MAGI2: variants seen among roughly 807,000 people sequenced by gnomAD.
The protein encoded by MAGI2 is membrane associated guanylate kinase, WW and PDZ domain containing 2.
Under a neutral mutation model 133.3 loss-of-function variants are expected in MAGI2, and 35 were observed. That is an observed-to-expected ratio of 0.26 (90% confidence interval 0.20 to 0.35). MAGI2 has a LOEUF of 0.35. Ranked by LOEUF, MAGI2 falls within the 10% of genes least tolerant of loss-of-function variation. The probability of loss-of-function intolerance (pLI) is 1.00; values close to 1 mark genes in which losing one functional copy is unlikely to be tolerated. For missense variants in MAGI2, 1,636 were observed against 1,863.4 expected, an observed-to-expected ratio of 0.88 and a Z score of 2.25; for synonymous variants, 729 against 710.6, an observed-to-expected ratio of 1.03 and a Z score of -0.41.
chr7:78,808,809 G>A (rs1197481000), intron 2 of MAGI2, among the ~76,000 whole-genome samples: 2 of 152,132 alleles, frequency 1.3e-5, no homozygotes, highest in African/African-American at 4.8e-5. Flanking sequence ...CATCAGCAGA[G>A]GCAGCCCTGC....
chr7:79,440,567 A>T (rs1248726901), intron 1 of MAGI2, among the ~76,000 whole-genome samples: 2 of 151,886 alleles, frequency 1.3e-5, no homozygotes, highest in African/African-American at 4.8e-5. Context: ...CTCCAAGATT[A>T]CTCCTTATCT....
intron 9 of MAGI2, among the ~76,000 whole-genome samples, chr7:78,268,235 A>G (rs954323415): frequency 9.9e-5 from 15 of 152,144 alleles, no homozygotes; most frequent in South Asian, 4.2e-4. Context: ...TTATTGTACA[A>G]TGCAAAAATC....
At chr7:78,521,742 T>C in intron 3 of MAGI2, 97 bp from the exon 4 acceptor site, 1 of 975,894 alleles carries the variant, frequency 1.0e-6, no homozygotes, top group Non-Finnish European at 1.6e-6. Context: ...ATTTTTATCC[T>C]ATTTTATATG....
intron 6 of MAGI2, among the ~76,000 whole-genome samples, chr7:78,381,586 G>T (rs1236632340): frequency 6.6e-6 from 1 of 151,796 alleles, no homozygotes; most frequent in African/African-American, 2.4e-5. Context: ...CCTTAATAAA[G>T]AACTTTTTTA....
chr7:78,970,672 A>G (rs1240596508), intron 2 of MAGI2, among the ~76,000 whole-genome samples: 1 of 152,098 alleles, frequency 6.6e-6, no homozygotes, highest in African/African-American at 2.4e-5. Flanking sequence ...AGGTAACAAG[A>G]GCTAATTCAT....
At chr7:78,485,111 A>G (rs1468529749) in intron 6 of MAGI2, 2 of 152,022 alleles carry the variant, frequency 1.3e-5, no homozygotes, top group African/African-American at 4.8e-5. Flanking sequence ...ATATCTCAGG[A>G]GGATCCCATA....
intron 2 of MAGI2, among the ~76,000 whole-genome samples, chr7:78,751,666 G>A (rs193028518): frequency 6.6e-6 from 1 of 152,282 alleles, no homozygotes; most frequent in Non-Finnish European, 1.5e-5. Flanking sequence ...TTTGATAATG[G>A]TGAAGTAATT....
intron 1 of MAGI2, among the ~76,000 whole-genome samples, chr7:79,102,688 G>C (rs1014758999): frequency 2.6e-5 from 4 of 152,116 alleles, no homozygotes; most frequent in African/African-American, 9.7e-5. Context: ...TTTGTAAGTA[G>C]GGTGGAACAT....
chr7:78,471,999 A>G (rs1462828976), intron 6 of MAGI2, among the ~76,000 whole-genome samples: 7 of 152,034 alleles, frequency 4.6e-5, no homozygotes, highest in African/African-American at 1.4e-4. Flanking sequence ...CAGCCAGTAA[A>G]TGGCAAAACC....
intron 10 of MAGI2, among the ~76,000 whole-genome samples, chr7:78,247,641 C>A (rs556342518): frequency 6.6e-6 from 1 of 152,002 alleles, no homozygotes. Context: ...TGAAGAATTT[C>A]ATGAATGAAA....
intron 1 of MAGI2, among the ~76,000 whole-genome samples, chr7:79,295,059 T>C (rs1836826145): frequency 6.6e-6 from 1 of 152,110 alleles, no homozygotes. Context: ...GTTCTTTTAG[T>C]GGTTGAAATT....
chr7:78,483,898 G>A (rs541952118), intron 6 of MAGI2, among the ~76,000 whole-genome samples: 114 of 151,950 alleles, frequency 7.5e-4, no homozygotes, highest in African/African-American at 2.6e-3. Flanking sequence ...AATACTGTTA[G>A]GATCTTTTTA....
chr7:79,248,510 C>T (rs1832980673), intron 1 of MAGI2, among the ~76,000 whole-genome samples: 1 of 152,030 alleles, frequency 6.6e-6, no homozygotes, highest in African/African-American at 2.4e-5. Flanking sequence ...CACTATAGAC[C>T]GAATGGACTT....
intron 1 of MAGI2, among the ~76,000 whole-genome samples, chr7:79,030,862 A>G (rs1810503600): frequency 6.6e-6 from 1 of 152,164 alleles, no homozygotes; most frequent in African/African-American, 2.4e-5. Context: ...CTGAAGGACA[A>G]TTTGTATGCA....
intron 2 of MAGI2, among the ~76,000 whole-genome samples, chr7:78,664,550 C>A (rs552761789): frequency 6.6e-6 from 1 of 151,860 alleles, no homozygotes; most frequent in East Asian, 1.9e-4. Flanking sequence ...GTATGTTTTT[C>A]TACTTTTGAA....
intron 2 of MAGI2, among the ~76,000 whole-genome samples, chr7:78,875,794 A>G (rs556697117): frequency 2.9e-4 from 44 of 152,342 alleles, no homozygotes; most frequent in African/African-American, 1.1e-3. Flanking sequence ...CAAAAACTTC[A>G]GCAGCTGGTC....
At position 78,243,265 on chromosome 7, in the gene MAGI2, ACACACTCTCTCTCT is replaced by A. The variant is rs1185237732; in HGVS notation, c.2047+12664_2047+12677del. Among the ~76,000 whole-genome samples, 231 of 42,192 alleles carry A rather than the reference ACACACTCTCTCTCT, an allele frequency of 5.5e-3. 2 individuals are homozygous for A. Among genetic ancestry groups the A allele is most frequent in the African/African-American group, 0.015 (226 of 15,540 alleles). 27.7% of individuals were successfully genotyped at this position (42,192 alleles called of 152,430 possible). A position where few individuals can be genotyped will look rare whatever the true frequency, so the allele number is the denominator to read the frequency against. On this transcript the variant is annotated intron_variant, in intron 10 of 21. Coordinates refer to ENST00000354212, the MANE Select transcript of MAGI2 (RefSeq NM_012301.4). ...CACACACACACACACACACACACAC[ACACACTCTCTCTCT>A]CTCTCTCTTATAAAACAAATGGGGC...
chr7:79,410,035 A>T (rs958692087), intron 1 of MAGI2: 2 of 152,102 alleles, frequency 1.3e-5, no homozygotes, highest in Admixed American at 6.6e-5. Context: ...ATAGAAACAC[A>T]TATAGGAATT....
chr7:79,150,206 C>T (rs1015908207), intron 1 of MAGI2, among the ~76,000 whole-genome samples: 2 of 151,162 alleles, frequency 1.3e-5, no homozygotes, highest in African/African-American at 4.9e-5. Context: ...CTTTCTGAAT[C>T]TAAACATCTG....
Sources: gnomAD v4.1 joint callset for allele counts (sites outside exome capture counted in the v4.1 genomes callset) on GRCh38, gnomAD v4.1.1 for gene constraint, MANE v1.5 for transcripts, NCBI Gene and HGNC (gene_info 2026-07-23, HGNC 2026-07-21) for gene names.